Variants in TENM1 observed in about 807,000 individuals in gnomAD.
TENM1 encodes teneurin-1.
Under a neutral mutation model 174.8 loss-of-function variants are expected in TENM1, and 35 were observed. The ratio of observed to expected loss-of-function variants is 0.20; its 90% CI spans 0.15 to 0.27. The LOEUF is 0.27. Among genes scored for constraint, TENM1 ranks in the 10% least tolerant of loss-of-function variants. The pLI is 1.00. For synonymous variants in TENM1, 781 were observed against 798.7 expected (o/e 0.98, Z 0.37); for missense variants, 1,633 against 2,130.1 (o/e 0.77, Z 4.59).
the TENM1 span, among the ~76,000 whole-genome samples, chrX:125,108,528 C>A: frequency 9.1e-6 from 1 of 110,390 alleles, no homozygotes; most frequent in East Asian, 2.9e-4. Context: ...CGAGACCAGC[C>A]TGGCCAACAT....
intron 1 of TENM1, among the ~76,000 whole-genome samples, chrX:124,940,549 A>T (rs1322397455): frequency 9.0e-6 from 1 of 111,195 alleles, no homozygotes; most frequent in Admixed American, 9.6e-5. Context: ...GTTTGAGTTG[A>T]CTTTCTGTCA....
intron 3 of TENM1, among the ~76,000 whole-genome samples, chrX:124,764,007 C>A (rs2054482094): frequency 8.9e-6 from 1 of 112,019 alleles, no homozygotes; most frequent in Admixed American, 9.5e-5. Flanking sequence ...AAACTTGAAT[C>A]CAACGTTTAT....
At chrX:124,520,600 G>A in exon 18 of TENM1, 1 of 1,211,057 alleles carries the variant, frequency 8.3e-7, no homozygotes, top group East Asian at 3.0e-5. Flanking sequence ...ATTAATTGCG[G>A]CGGGAAACCA....
intron 22 of TENM1, among the ~76,000 whole-genome samples, chrX:124,459,501 C>G (rs930228347): frequency 1.8e-5 from 2 of 111,063 alleles, no homozygotes; most frequent in Non-Finnish European, 3.8e-5. Context: ...AAAGGACTCC[C>G]TATTCAGTAA....
At chrX:124,814,728 T>C (rs1310277815) in intron 3 of TENM1, among the ~76,000 whole-genome samples, 2 of 111,313 alleles carry the variant, frequency 1.8e-5, no homozygotes, top group Non-Finnish European at 1.9e-5. Context: ...TGGTTAGACC[T>C]TTACTGATAG....
At chrX:124,554,043 A>T (rs1314092369) in intron 14 of TENM1, among the ~76,000 whole-genome samples, 2 of 111,501 alleles carry the variant, frequency 1.8e-5, no homozygotes, top group African/African-American at 3.3e-5. Context: ...CAGGAGGTGG[A>T]GGTTGCAGTG....
intron 4 of TENM1, among the ~76,000 whole-genome samples, chrX:124,732,312 C>T (rs1368258185): frequency 9.0e-6 from 1 of 111,687 alleles, no homozygotes; most frequent in Admixed American, 9.5e-5. Flanking sequence ...CTGGAGTAGA[C>T]AGCATTAACG....
chrX:124,412,637 C>T (rs961171439), intron 25 of TENM1, among the ~76,000 whole-genome samples: 22 of 112,651 alleles, frequency 2.0e-4, no homozygotes, highest in Admixed American at 6.6e-4. Context: ...TGGGATTCCC[C>T]TTTCCTCACT....
intron 11 of TENM1, among the ~76,000 whole-genome samples, chrX:124,623,718 G>A (rs1478658778): frequency 1.8e-5 from 2 of 111,619 alleles, no homozygotes; most frequent in African/African-American, 6.5e-5. Flanking sequence ...GCCAAAGTTG[G>A]GAAACCTTCC....
intron 11 of TENM1, among the ~76,000 whole-genome samples, chrX:124,632,202 C>T (rs781717174): frequency 2.2e-3 from 241 of 110,214 alleles, no homozygotes; most frequent in Non-Finnish European, 3.4e-3. Flanking sequence ...TGAGCCACCA[C>T]GCCCGGCCCA....
At chrX:124,495,468 G>C (rs1316518410) in intron 20 of TENM1, among the ~76,000 whole-genome samples, 1 of 107,585 alleles carries the variant, frequency 9.3e-6, no homozygotes, top group Non-Finnish European at 1.9e-5. Context: ...TAGGTTGCCT[G>C]TTCACTCTGA....
rs371037236 is a variant in TENM1 at position 124,381,300 on chromosome X, A to G, written c.7441-6T>C. 21 of 1,187,411 alleles carry G rather than the reference A, an allele frequency of 1.8e-5. No individual in the cohort carries two copies. Among genetic ancestry groups the G allele is most frequent in the Non-Finnish European group, 2.4e-5 (21 of 887,655 alleles). On this transcript the variant is annotated splice_region_variant and splice_polypyrimidine_tract_variant and intron_variant, in intron 31 of 31. Transcript: ENST00000422452. Reference sequence around the variant, plus strand: ...CACTGAATGCCCAGGATAGTCTAGGAAAGAGAGGCACAGAGCAGATGCAGC... The same window carrying G: ...CACTGAATGCCCAGGATAGTCTAGGGAAGAGAGGCACAGAGCAGATGCAGC...
intron 25 of TENM1, among the ~76,000 whole-genome samples, chrX:124,416,662 C>T (rs1275340251): frequency 9.0e-6 from 1 of 111,712 alleles, no homozygotes; most frequent in African/African-American, 3.3e-5. Flanking sequence ...ATTCTAAGTC[C>T]TCATCTTACT....
At chrX:124,380,528 T>A in exon 32 of TENM1, 2 of 1,180,402 alleles carry the variant, frequency 1.7e-6, no homozygotes, top group Non-Finnish European at 2.3e-6. Context: ...AAGGCAGAGA[T>A]ATTTTTGTTA....
intron 11 of TENM1, among the ~76,000 whole-genome samples, chrX:124,590,983 T>C (rs754963593): frequency 1.8e-5 from 2 of 112,453 alleles, no homozygotes; most frequent in South Asian, 7.4e-4. Flanking sequence ...CATTATGTAA[T>C]GACCTTCATT....
intron 4 of TENM1, among the ~76,000 whole-genome samples, chrX:124,729,919 C>T (rs903877678): frequency 5.4e-5 from 6 of 111,221 alleles, no homozygotes; most frequent in Non-Finnish European, 9.4e-5. Context: ...TGCAGTGGCG[C>T]GATCTCGGCT....
At chrX:124,854,733 A>C (rs759807493) in intron 3 of TENM1, among the ~76,000 whole-genome samples, 2 of 111,877 alleles carry the variant, frequency 1.8e-5, no homozygotes, top group South Asian at 7.4e-4. Flanking sequence ...AAATCTTAAG[A>C]CATAACTTCA....
intron 22 of TENM1, among the ~76,000 whole-genome samples, chrX:124,461,521 G>A (rs2061173368): frequency 1.8e-5 from 2 of 111,579 alleles, no homozygotes; most frequent in African/African-American, 6.5e-5. Context: ...TAGGTGAATG[G>A]ATAAAGAAAA....
the TENM1 span, among the ~76,000 whole-genome samples, chrX:125,036,266 G>T: frequency 1.8e-5 from 2 of 111,621 alleles, no homozygotes; most frequent in Non-Finnish European, 3.8e-5. Context: ...TTCATTTTAA[G>T]GAAGTATTTG....
Sources: allele counts gnomAD v4.1 joint callset (sites outside exome capture counted in the v4.1 genomes callset), GRCh38; gene constraint gnomAD v4.1.1; transcripts MANE v1.5; gene names NCBI Gene and HGNC (gene_info 2026-07-23, HGNC 2026-07-21).